SGCD: variants seen among roughly 807,000 people sequenced by gnomAD.
The protein encoded by SGCD is delta-sarcoglycan.
SGCD carries 18 observed loss-of-function variants against 36.6 expected under a neutral mutation model. That is an observed-to-expected ratio of 0.49 (90% confidence interval 0.34 to 0.73). SGCD has a LOEUF of 0.73. SGCD is among the 30% of genes least tolerant of loss of function. The probability of loss-of-function intolerance (pLI) is 0.01; values close to 1 mark genes in which losing one functional copy is unlikely to be tolerated. For synonymous variants in SGCD, 133 were observed against 130.6 expected (o/e 1.02, Z -0.12); for missense variants, 387 against 346.7 (o/e 1.12, Z -0.92).
At position 156,077,766 on chromosome 5, in the gene SGCD, C is replaced by T. The variant is rs533008894; in HGVS notation, c.-281-40112C>T. On this transcript the variant is annotated intron_variant, in intron 1 of 9. Coordinates refer to the SGCD transcript ENST00000517913. ...ACTTATCTGCCTGGAAATCCCATCT[C>T]CCTTGGTGTCTGACACTACTGTGTA... Among the ~76,000 whole-genome samples the T allele has an allele frequency of 6.6e-5, 10 of 152,222 alleles. No individual in the cohort carries two copies. In the South Asian group the frequency reaches 2.1e-3, roughly 32 times the overall value.
intron 3 of SGCD, among the ~76,000 whole-genome samples, chr5:156,352,510 G>C (rs1769308478): frequency 1.3e-5 from 2 of 152,154 alleles, no homozygotes; most frequent in African/African-American, 4.8e-5. Flanking sequence ...AGGAGATAAT[G>C]GATATCAAGT....
intron 3 of SGCD, among the ~76,000 whole-genome samples, chr5:156,485,422 G>A (rs989958141): frequency 2.0e-5 from 3 of 152,210 alleles, no homozygotes; most frequent in Non-Finnish European, 4.4e-5. Context: ...TAGCACTTTT[G>A]GAGGCCAAGG....
At chr5:156,635,822 G>A (rs941893801) in intron 6 of SGCD, among the ~76,000 whole-genome samples, 9 of 150,882 alleles carry the variant, frequency 6.0e-5, no homozygotes, top group African/African-American at 2.2e-4. Context: ...ACTCATAGAT[G>A]GGAATTGAAC....
intron 3 of SGCD, among the ~76,000 whole-genome samples, chr5:156,417,903 G>C (rs577437457): frequency 6.6e-6 from 1 of 152,134 alleles, no homozygotes; most frequent in Non-Finnish European, 1.5e-5. Flanking sequence ...CCTTGTCACA[G>C]TTCTTTCATA....
In SGCD at chr5:156,378,585, C is replaced by A. The variant is rs145591062; in HGVS notation, c.192+33908C>A. Among the ~76,000 whole-genome samples, 32 of 152,218 alleles carry A rather than the reference C, an allele frequency of 2.1e-4. No individual in the cohort carries two copies. The East Asian group carries it at 6.0e-3, about 28-fold the overall frequency. ...TATACAGACCCCTGCAATCTCATGA[C>A]CATCAATAAGCTCCCAGTATGTTTA... On this transcript the variant is annotated intron_variant, in intron 3 of 8. Coordinates refer to ENST00000337851, the MANE Select transcript of SGCD (RefSeq NM_000337.6).
chr5:156,626,469 G>A (rs1489513028), intron 6 of SGCD, among the ~76,000 whole-genome samples: 4 of 152,184 alleles, frequency 2.6e-5, no homozygotes, highest in Non-Finnish European at 4.4e-5. Flanking sequence ...GAGCTCTCCA[G>A]CAGAAAGCTC....
intron 6 of SGCD, among the ~76,000 whole-genome samples, chr5:156,626,248 G>T (rs1284232249): frequency 6.6e-6 from 1 of 152,180 alleles, no homozygotes; most frequent in African/African-American, 2.4e-5. Context: ...CCCTGGTTTT[G>T]TGCCCTGCAT....
rs1353636948 is a variant in SGCD, at chr5:156,763,250, C to G, written c.*3860C>G. The G allele has an allele frequency of 6.6e-6, 1 of 152,640 alleles. No individual in the cohort carries two copies. Among genetic ancestry groups the G allele is most frequent in the Non-Finnish European group, 1.5e-5 (1 of 68,068 alleles). The allele number at this position is 152,640 out of a possible 1,614,324, so 9.5% of individuals were successfully genotyped here. A position where few individuals can be genotyped will look rare whatever the true frequency, so the allele number is the denominator to read the frequency against. ...CTATATTCATTAAAGTTTTCCACTT[C>G]ACCCTCCCATAGTCTAGAGGGATGC... On this transcript the variant is annotated 3_prime_UTR_variant, in exon 9 of 9. Coordinates refer to ENST00000337851, the MANE Select transcript of SGCD (RefSeq NM_000337.6).
intron 7 of SGCD, among the ~76,000 whole-genome samples, chr5:156,723,703 CATGTATGAGAGGTGAAAGGA>C (rs901021216): frequency 7.9e-5 from 12 of 152,056 alleles, no homozygotes; most frequent in African/African-American, 1.2e-4. Context: ...ACGGGAGTGG[CATGTATGAGAGGTGAAAGGA>C]AGGCATGATC....
chr5:156,299,878 C>A (rs1385306836), intron 3 of SGCD, among the ~76,000 whole-genome samples: 1 of 152,024 alleles, frequency 6.6e-6, no homozygotes, highest in Non-Finnish European at 1.5e-5. Flanking sequence ...ATATAATATG[C>A]AACCAGGATA....
intron 3 of SGCD, among the ~76,000 whole-genome samples, chr5:156,308,481 G>A (rs1767297982): frequency 6.6e-6 from 1 of 152,066 alleles, no homozygotes; most frequent in African/African-American, 2.4e-5. Context: ...TGTATTTTTA[G>A]TAGAGATGGG....
At chr5:156,728,600 C>T (rs908467196) in intron 7 of SGCD, among the ~76,000 whole-genome samples, 1 of 151,624 alleles carries the variant, frequency 6.6e-6, no homozygotes, top group African/African-American at 2.4e-5. Flanking sequence ...AGCAGTGCCC[C>T]CCCACCACCA....
chr5:156,294,220 CAG>C (rs1365778800), intron 3 of SGCD, among the ~76,000 whole-genome samples: 2 of 145,966 alleles, frequency 1.4e-5, no homozygotes, highest in East Asian at 1.9e-4. Flanking sequence ...TTAGTTATAA[CAG>C]AGATTTTTTG....
intron 1 of SGCD, among the ~76,000 whole-genome samples, chr5:155,874,196 A>C (rs1755717300): frequency 6.6e-6 from 1 of 152,108 alleles, no homozygotes; most frequent in African/African-American, 2.4e-5. Flanking sequence ...TTCTGGCCTA[A>C]CTCTATTACA....
chr5:155,766,248 T>TA, the SGCD span, among the ~76,000 whole-genome samples: 1 of 152,162 alleles, frequency 6.6e-6, no homozygotes, highest in Non-Finnish European at 1.5e-5. Context: ...TCATCCCTCT[T>TA]ACTCTCCATG....
At chr5:156,373,978 A>G (rs939888931) in intron 3 of SGCD, among the ~76,000 whole-genome samples, 1 of 152,176 alleles carries the variant, frequency 6.6e-6, no homozygotes, top group East Asian at 1.9e-4. Context: ...TTTGCTGAGA[A>G]GAAGAGTAGA....
chr5:156,672,324 C>A (rs1408078038), intron 7 of SGCD, among the ~76,000 whole-genome samples: 1 of 152,142 alleles, frequency 6.6e-6, no homozygotes, highest in Non-Finnish European at 1.5e-5. Flanking sequence ...CCAGAGTTAA[C>A]CTCAAGTCTT....
chr5:156,603,643 A>C (rs949703945), intron 6 of SGCD, among the ~76,000 whole-genome samples: 2 of 152,054 alleles, frequency 1.3e-5, no homozygotes, highest in Non-Finnish European at 2.9e-5. Flanking sequence ...AAAATATTTA[A>C]ATTTCCTTTT....
At chr5:156,736,874 A>G (rs972676299) in intron 7 of SGCD, among the ~76,000 whole-genome samples, 2 of 152,196 alleles carry the variant, frequency 1.3e-5, no homozygotes, top group Admixed American at 1.3e-4. Flanking sequence ...CTTTCACATA[A>G]TCCCCCAGCT....
Sources: allele counts gnomAD v4.1 joint callset (sites outside exome capture counted in the v4.1 genomes callset), GRCh38; gene constraint gnomAD v4.1.1; transcripts MANE v1.5; gene names NCBI Gene and HGNC (gene_info 2026-07-23, HGNC 2026-07-21).